The following TCF4 variants were observed in gnomAD, a reference collection of about 807,000 sequenced individuals.
TCF4 encodes the protein transcription factor 4, also known as SL3-3 enhancer factor 2.
Under a neutral mutation model 82.1 loss-of-function variants are expected in TCF4, and 3 were observed. That is an observed-to-expected ratio of 0.04 (90% CI 0.02 to 0.09). The LOEUF is 0.09. TCF4 is among the 10% of genes least tolerant of loss of function. The probability of loss-of-function intolerance (pLI) is 1.00; values close to 1 mark genes in which losing one functional copy is unlikely to be tolerated. For missense variants in TCF4, 518 were observed against 852.7 expected, an observed-to-expected ratio of 0.61 and a Z score of 4.89; for synonymous variants, 276 against 309.6, an observed-to-expected ratio of 0.89 and a Z score of 1.14.
At chr18:55,623,744 A>G (rs1026460034) in intron 2 of TCF4, among the ~76,000 whole-genome samples, 1 of 152,164 alleles carries the variant, frequency 6.6e-6, no homozygotes, top group African/African-American at 2.4e-5. Context: ...GGATTTAGCT[A>G]TGTGAGTCCC....
chr18:55,461,199 T>C (rs2144782614), intron 4 of TCF4, 84 bp from the exon 5 acceptor site: 1 of 1,160,114 alleles, frequency 8.6e-7, no homozygotes, highest in Non-Finnish European at 1.2e-6. Context: ...CCAAAACTTC[T>C]CCCCTCCAAA....
intron 6 of TCF4, among the ~76,000 whole-genome samples, chr18:55,354,135 C>T (rs1174634310): frequency 6.6e-6 from 1 of 152,178 alleles, no homozygotes; most frequent in Non-Finnish European, 1.5e-5. Context: ...CTTCCCCTTA[C>T]TCGCTCCTAA....
In TCF4 at chr18:55,225,266, A is replaced by G. The variant is rs914727945; in HGVS notation, c.*2769T>C. ...GAATACATCAAAGCTGGTGAACAATAAATTGCAGCTTTTACTCTGAGTGAG... is the reference window on the plus strand; with the variant it reads ...GAATACATCAAAGCTGGTGAACAATGAATTGCAGCTTTTACTCTGAGTGAG... On this transcript the variant is annotated 3_prime_UTR_variant, in exon 20 of 20. Coordinates refer to ENST00000354452, the MANE Select transcript of TCF4 (RefSeq NM_001083962.2). The G allele has an allele frequency of 2.0e-5, 3 of 152,630 alleles. No homozygotes were observed. The highest frequency in any genetic ancestry group is 7.2e-5 in the African/African-American group (3 of 41,464). The allele number at this position is 152,630 out of a possible 1,614,324, so 9.5% of individuals were successfully genotyped here.
intron 2 of TCF4, among the ~76,000 whole-genome samples, chr18:55,623,603 CT>C (rs1384011227): frequency 6.6e-6 from 1 of 152,088 alleles, no homozygotes; most frequent in African/African-American, 2.4e-5. Flanking sequence ...AATTATGTGA[CT>C]GAAATTGCAT....
chr18:55,627,037 A>G (rs1040499074), intron 2 of TCF4, among the ~76,000 whole-genome samples: 1 of 152,230 alleles, frequency 6.6e-6, no homozygotes, highest in Non-Finnish European at 1.5e-5. Flanking sequence ...ATGTGATTAC[A>G]GTGTGAAGGC....
intron 4 of TCF4, among the ~76,000 whole-genome samples, chr18:55,462,673 G>A (rs2095891870): frequency 6.6e-6 from 1 of 152,156 alleles, no homozygotes; most frequent in African/African-American, 2.4e-5. Context: ...TGTACTGAAT[G>A]GATAAATCAT....
At chr18:55,507,320 G>GC in intron 3 of TCF4, among the ~76,000 whole-genome samples, 1 of 152,214 alleles carries the variant, frequency 6.6e-6, no homozygotes, top group Non-Finnish European at 1.5e-5. Context: ...CATAGTAACA[G>GC]TCAATCTGAA....
intron 8 of TCF4, chr18:55,322,098 T>C (rs1297841865): frequency 5.6e-6 from 6 of 1,063,882 alleles, no homozygotes; most frequent in Non-Finnish European, 6.8e-6. Context: ...TTTTCTTTTT[T>C]TTTTTCCTTT....
At chr18:55,616,583 A>G (rs1022327780) in intron 2 of TCF4, among the ~76,000 whole-genome samples, 5 of 152,112 alleles carry the variant, frequency 3.3e-5, no homozygotes, top group Non-Finnish European at 7.4e-5. Context: ...TCCCACCAAC[A>G]GTGCACAAGG....
At chr18:55,610,420 A>G (rs2147962517) in intron 2 of TCF4, among the ~76,000 whole-genome samples, 1 of 152,318 alleles carries the variant, frequency 6.6e-6, no homozygotes, top group East Asian at 1.9e-4. Flanking sequence ...GCCACAGGAC[A>G]TGGAGGCTCT....
At chr18:55,343,376 T>G (rs552143409) in intron 8 of TCF4, among the ~76,000 whole-genome samples, 3 of 152,148 alleles carry the variant, frequency 2.0e-5, no homozygotes, top group Non-Finnish European at 2.9e-5. Flanking sequence ...ACACAGTTCC[T>G]CTTCTTATTA....
At chr18:55,442,271 T>C (rs2095451470) in intron 5 of TCF4, among the ~76,000 whole-genome samples, 1 of 152,216 alleles carries the variant, frequency 6.6e-6, no homozygotes, top group Admixed American at 6.5e-5. Context: ...ACCATCCAGA[T>C]TTTCTAAAAA....
At chr18:55,440,773 C>T (rs910614420) in intron 5 of TCF4, among the ~76,000 whole-genome samples, 3 of 152,290 alleles carry the variant, frequency 2.0e-5, no homozygotes, top group East Asian at 1.9e-4. Flanking sequence ...CCTCTTTCTT[C>T]GTAAGTAATT....
At chr18:55,390,349 A>G (rs771446849) in intron 6 of TCF4, among the ~76,000 whole-genome samples, 2 of 139,414 alleles carry the variant, frequency 1.4e-5, no homozygotes, top group African/African-American at 2.8e-5. Flanking sequence ...CTAAGGCCTC[A>G]TGGTTACTAT....
chr18:55,312,903 A>C (rs564077164), intron 8 of TCF4, among the ~76,000 whole-genome samples: 3 of 152,246 alleles, frequency 2.0e-5, no homozygotes, highest in Non-Finnish European at 4.4e-5. Context: ...ATCAATTTTA[A>C]GTCACAACAG....
At chr18:55,252,089 T>C (rs1043125266) in intron 15 of TCF4, among the ~76,000 whole-genome samples, 2 of 152,194 alleles carry the variant, frequency 1.3e-5, no homozygotes, top group Non-Finnish European at 2.9e-5. Context: ...ACGGGAAAGA[T>C]AGGCCAAACC....
chr18:55,445,687 C>T (rs2095513693), intron 5 of TCF4, among the ~76,000 whole-genome samples: 1 of 152,188 alleles, frequency 6.6e-6, no homozygotes, highest in Admixed American at 6.5e-5. Context: ...ATCCCTTCCT[C>T]TGTGGTACTA....
At chr18:55,618,075 C>T (rs935140385) in intron 2 of TCF4, among the ~76,000 whole-genome samples, 3 of 152,078 alleles carry the variant, frequency 2.0e-5, no homozygotes, top group Non-Finnish European at 4.4e-5. Flanking sequence ...ACAATGTTAG[C>T]TATGGGCTTG....
rs778907139 is a variant in TCF4, at chr18:55,279,649, G to A, written c.557C>T (p.Ala186Val). ...GTAGTCGGCAGTGCTTGCTGATGGAGCATAGACCTGAGGAGAAAGAACCAA... is the reference window on the plus strand; with the variant it reads ...GTAGTCGGCAGTGCTTGCTGATGGAACATAGACCTGAGGAGAAAGAACCAA... ...VPPGLPSSVYAPSASTADYNR... is the reference protein window; with the variant it reads ...VPPGLPSSVYVPSASTADYNR... Residue 186 changes from alanine to valine, a missense_variant, in exon 9 of 20, where the codon GCT becomes GTT. Ala to Val is a moderately conservative substitution (Grantham distance 64). This residue lies in a region of TCF4 where 211 missense variants were observed against 327.4 expected (regional missense o/e 0.64). Transcript: ENST00000354452. The A allele has an allele frequency of 6.2e-7, 1 of 1,613,936 alleles. No individual in the cohort carries two copies. Among genetic ancestry groups the A allele is most frequent in the South Asian group, 1.1e-5 (1 of 91,076 alleles).
Sources: allele counts gnomAD v4.1 joint callset (sites outside exome capture counted in the v4.1 genomes callset), GRCh38; gene constraint gnomAD v4.1.1; regional missense constraint gnomAD v4.1.1; transcripts MANE v1.5; gene names NCBI Gene and HGNC (gene_info 2026-07-23, HGNC 2026-07-21).